Variants in CTNND2 observed in about 807,000 individuals in gnomAD.
The protein encoded by CTNND2 is catenin delta 2.
CTNND2 carries 22 observed loss-of-function variants against 144.4 expected under a neutral mutation model. The ratio of observed to expected loss-of-function variants is 0.15; its 90% CI spans 0.11 to 0.22. CTNND2 has a LOEUF of 0.22. Among genes scored for constraint, CTNND2 ranks in the 10% least tolerant of loss-of-function variants. CTNND2 has a pLI of 1.00. For missense variants in CTNND2, 1,353 were observed against 1,618.8 expected (o/e 0.84, Z 2.82); for synonymous variants, 751 against 695.6 (o/e 1.08, Z -1.25).
intron 3 of CTNND2, 116 bp downstream of exon 3, chr5:11,564,828 T>C: frequency 4.5e-6 from 3 of 666,558 alleles, no homozygotes; most frequent in Non-Finnish European, 7.9e-6. Context: ...ACAATTTCTT[T>C]CCAACGTTTG....
intron 1 of CTNND2, among the ~76,000 whole-genome samples, chr5:11,863,007 T>C (rs1328160457): frequency 1.3e-5 from 2 of 152,186 alleles, no homozygotes; most frequent in African/African-American, 4.8e-5. Flanking sequence ...CAGAGTTAGA[T>C]TTGGAGTCTC....
chr5:11,239,930 T>A (rs1326145863), intron 9 of CTNND2, among the ~76,000 whole-genome samples: 1 of 152,198 alleles, frequency 6.6e-6, no homozygotes, highest in Non-Finnish European at 1.5e-5. Flanking sequence ...ACTCTGTTGG[T>A]CATCTTTGTC....
Position 11,237,716 on chromosome 5 carries a change from A to T in CTNND2, c.1629-893T>A, listed in dbSNP as rs116330021. On this transcript the variant is annotated intron_variant, in intron 9 of 21. Coordinates refer to ENST00000304623, the MANE Select transcript of CTNND2 (RefSeq NM_001332.4). ...ATCTATTCTAGTATATTGTTTCAATAGTCTGATTCAGGCACAGGATTAAGC... is the reference window on the plus strand; with the variant it reads ...ATCTATTCTAGTATATTGTTTCAATTGTCTGATTCAGGCACAGGATTAAGC... 2.1e-3 allele frequency among the ~76,000 whole-genome samples: 313 copies of T among 152,356 alleles called. 3 individuals are homozygous for T. The highest frequency in any genetic ancestry group is 6.9e-3 in the African/African-American group (285 of 41,586).
intron 1 of CTNND2, among the ~76,000 whole-genome samples, chr5:11,735,723 T>C (rs532438955): frequency 1.3e-5 from 2 of 152,186 alleles, no homozygotes; most frequent in Non-Finnish European, 2.9e-5. Context: ...GCACGTGCTC[T>C]CTTGCCTGCC....
intron 9 of CTNND2, among the ~76,000 whole-genome samples, chr5:11,240,918 CCCCAACACACA>C (rs1297585667): frequency 6.9e-6 from 1 of 145,018 alleles, no homozygotes; most frequent in Non-Finnish European, 1.5e-5. Context: ...GCACACACAT[CCCCAACACACA>C]CCCAACACAC....
At chr5:11,525,353 A>C (rs1286420262) in intron 3 of CTNND2, among the ~76,000 whole-genome samples, 2 of 152,210 alleles carry the variant, frequency 1.3e-5, no homozygotes, top group East Asian at 3.8e-4. Context: ...TCCTGGCTGC[A>C]CAAACTGATA....
chr5:11,111,152 G>T, intron 13 of CTNND2, 109 bp from the exon 14 acceptor site: 2 of 1,176,668 alleles, frequency 1.7e-6, no homozygotes, highest in Non-Finnish European at 2.4e-6. Context: ...CTCTTTGGAA[G>T]TGTTTAGCTG....
intron 3 of CTNND2, among the ~76,000 whole-genome samples, chr5:11,498,504 T>C (rs1227443796): frequency 6.6e-6 from 1 of 152,184 alleles, no homozygotes; most frequent in Non-Finnish European, 1.5e-5. Flanking sequence ...ATATTTTCAA[T>C]GTTCTGCAAA....
chr5:11,549,296 C>A (rs573574289), intron 3 of CTNND2, among the ~76,000 whole-genome samples: 1 of 152,232 alleles, frequency 6.6e-6, no homozygotes. Context: ...ACGGTGTCTG[C>A]AACATTGTGT....
chr5:11,341,994 G>A (rs1476932730), intron 9 of CTNND2, among the ~76,000 whole-genome samples: 2 of 152,042 alleles, frequency 1.3e-5, no homozygotes, highest in Admixed American at 1.3e-4. Context: ...TGGGTGACAG[G>A]GCAAAACCTT....
intron 2 of CTNND2, among the ~76,000 whole-genome samples, chr5:11,592,733 G>A (rs1390910789): frequency 6.6e-6 from 1 of 151,518 alleles, no homozygotes; most frequent in Non-Finnish European, 1.5e-5. Flanking sequence ...CTTTTCTGGG[G>A]GGGTAAGGGG....
intron 3 of CTNND2, among the ~76,000 whole-genome samples, chr5:11,454,192 C>T (rs1252838834): frequency 3.3e-5 from 5 of 152,132 alleles, no homozygotes; most frequent in Non-Finnish European, 7.4e-5. Context: ...GAGGCCGAGG[C>T]GGGCGAGTTA....
chr5:11,084,139 G>A (rs1203296551), intron 15 of CTNND2, among the ~76,000 whole-genome samples: 1 of 152,194 alleles, frequency 6.6e-6, no homozygotes, highest in Non-Finnish European at 1.5e-5. Context: ...AGCATCTCTT[G>A]GCTGCAGTGA....
intron 1 of CTNND2, among the ~76,000 whole-genome samples, chr5:11,808,953 A>T (rs567035626): frequency 2.0e-5 from 3 of 152,328 alleles, no homozygotes; most frequent in Admixed American, 1.3e-4. Flanking sequence ...CTCCAGCTGG[A>T]ATGGAAAGCT....
intron 1 of CTNND2, among the ~76,000 whole-genome samples, chr5:11,887,226 G>A (rs952512266): frequency 1.2e-4 from 18 of 151,620 alleles, no homozygotes; most frequent in Middle Eastern, 3.4e-3. Flanking sequence ...CTTGTGATCC[G>A]CCCGCCTCAG....
At chr5:11,255,229 G>C (rs1057447569) in intron 9 of CTNND2, among the ~76,000 whole-genome samples, 3 of 152,094 alleles carry the variant, frequency 2.0e-5, no homozygotes, top group Admixed American at 6.5e-5. Context: ...AACAATTCCT[G>C]GGGAAAAAAA....
chr5:11,498,364 G>A (rs1024137195), intron 3 of CTNND2, among the ~76,000 whole-genome samples: 2 of 152,086 alleles, frequency 1.3e-5, no homozygotes, highest in African/African-American at 4.8e-5. Flanking sequence ...TGCAGCATGG[G>A]AACCTTGATC....
chr5:11,501,428 T>C (rs1190831328), intron 3 of CTNND2, among the ~76,000 whole-genome samples: 3 of 152,184 alleles, frequency 2.0e-5, no homozygotes, highest in Non-Finnish European at 2.9e-5. Flanking sequence ...AAGTGACTAC[T>C]GGGTCTCTCA....
chr5:11,300,554 C>T (rs1580838400), intron 9 of CTNND2, among the ~76,000 whole-genome samples: 2 of 152,150 alleles, frequency 1.3e-5, no homozygotes, highest in South Asian at 2.1e-4. Flanking sequence ...TCCCACCCTC[C>T]CCACACACAG....
Sources: allele counts gnomAD v4.1 joint callset (sites outside exome capture counted in the v4.1 genomes callset), GRCh38; gene constraint gnomAD v4.1.1; transcripts MANE v1.5; gene names NCBI Gene and HGNC (gene_info 2026-07-23, HGNC 2026-07-21).